The following BIRC6 variants were observed in gnomAD, a reference collection of about 807,000 sequenced individuals.
The protein encoded by BIRC6 is baculoviral IAP repeat containing 6.
In BIRC6, 98 loss-of-function variants were observed where a neutral mutation model predicts 503.3. That is an observed-to-expected ratio of 0.19 (90% CI 0.17 to 0.23). The LOEUF (loss-of-function observed/expected upper bound fraction) is 0.23, where lower values mean the gene tolerates loss of function less well. Ranked by LOEUF, BIRC6 falls within the 10% of genes least tolerant of loss-of-function variation. The pLI is 1.00. For missense variants in BIRC6, 5,360 were observed against 5,806.0 expected (o/e 0.92, Z 2.50); for synonymous variants, 2,240 against 2,078.7 (o/e 1.08, Z -2.11).
chr2:32,366,478 A>G (rs1334163781), intron 1 of BIRC6, among the ~76,000 whole-genome samples: 1 of 151,992 alleles, frequency 6.6e-6, no homozygotes, highest in Non-Finnish European at 1.5e-5. Context: ...TAAACTGAAA[A>G]TCTCTAGTTG....
At chr2:32,417,931 C>T (rs2042556836) in intron 10 of BIRC6, among the ~76,000 whole-genome samples, 1 of 152,156 alleles carries the variant, frequency 6.6e-6, no homozygotes, top group African/African-American at 2.4e-5. Flanking sequence ...AGGTGCGCGT[C>T]ACCACACTTG....
At chr2:32,552,832 C>G (rs1242950271) in intron 65 of BIRC6, among the ~76,000 whole-genome samples, 2 of 150,744 alleles carry the variant, frequency 1.3e-5, no homozygotes, top group Non-Finnish European at 3.0e-5. Context: ...AAAATTATTA[C>G]TATTCTAACC....
chr2:32,553,384 CTTA>C (rs1327752707), intron 65 of BIRC6, among the ~76,000 whole-genome samples: 8 of 151,430 alleles, frequency 5.3e-5, no homozygotes, highest in South Asian at 2.1e-4. Flanking sequence ...TGAATGGAGA[CTTA>C]TTTTTTTATT....
chr2:32,612,099 C>T (rs964716950), intron 73 of BIRC6, among the ~76,000 whole-genome samples: 4 of 152,160 alleles, frequency 2.6e-5, no homozygotes, highest in Admixed American at 1.3e-4. Flanking sequence ...CTAGGCTAGG[C>T]TCAAGTGATC....
At chr2:32,450,825 C>T (rs1395721834) in intron 22 of BIRC6, among the ~76,000 whole-genome samples, 1 of 152,158 alleles carries the variant, frequency 6.6e-6, no homozygotes, top group East Asian at 1.9e-4. Context: ...TTCTACATCA[C>T]TTATAATACC....
Position 32,467,651 on chromosome 2 carries a change from G to T in BIRC6, c.5483G>T (p.Gly1828Val). The change falls in exon 27 of 74, where the codon GGA becomes GTA. Residue 1828 changes from glycine to valine, a missense_variant. Gly to Val is a moderately radical substitution (Grantham distance 109). Transcript: ENST00000421745. ...TGGACATTAGGAGAAGAGGTGGATGGAAGGCGGTTGGTAGTGGCAACTGAT... is the reference window on the plus strand; with the variant it reads ...TGGACATTAGGAGAAGAGGTGGATGTAAGGCGGTTGGTAGTGGCAACTGAT... The part of the protein sequence containing the change: ...DIWTLGEEVD[G>V]RRLVVATDIS... 6.2e-7 allele frequency: 1 copy of T among 1,613,894 alleles called. No individual in the cohort carries two copies. The highest frequency in any genetic ancestry group is 8.5e-7 in the Non-Finnish European group (1 of 1,179,870).
At chr2:32,520,470 A>C (rs1048021311) in intron 57 of BIRC6, among the ~76,000 whole-genome samples, 2 of 152,226 alleles carry the variant, frequency 1.3e-5, no homozygotes, top group Admixed American at 1.3e-4. Context: ...AGTATTTTCT[A>C]TCAGTTTCCT....
chr2:32,497,504 T>C (rs990894873), intron 45 of BIRC6, among the ~76,000 whole-genome samples: 9 of 152,228 alleles, frequency 5.9e-5, no homozygotes, highest in African/African-American at 2.2e-4. Flanking sequence ...GCTAGAGTTT[T>C]CTTTGCCCCA....
chr2:32,461,001 T>TG (rs1234933200), intron 23 of BIRC6, among the ~76,000 whole-genome samples: 527 of 21,518 alleles, frequency 0.024, 1 homozygote, highest in Non-Finnish European at 0.038. Context: ...TGCTCTGCTC[T>TG]CTTCTCTTCT....
At chr2:32,441,608 T>G (rs1009199588) in intron 17 of BIRC6, 146 bp downstream of exon 17, 11 of 724,698 alleles carry the variant, frequency 1.5e-5, no homozygotes, top group Non-Finnish European at 2.0e-5. Context: ...TTGATGAGAA[T>G]ATGAGTTGTC....
chr2:32,562,859 C>T (rs2059289346), intron 65 of BIRC6, among the ~76,000 whole-genome samples: 1 of 152,084 alleles, frequency 6.6e-6, no homozygotes, highest in Non-Finnish European at 1.5e-5. Flanking sequence ...ATCTTGATTG[C>T]TTCCTTTTTT....
At chr2:32,550,835 A>C (rs2058373640) in intron 65 of BIRC6, among the ~76,000 whole-genome samples, 1 of 152,124 alleles carries the variant, frequency 6.6e-6, no homozygotes, top group South Asian at 2.1e-4. Context: ...TGTATGTTAA[A>C]CTGATTTTTG....
Position 32,515,257 on chromosome 2 carries a change from C to A in BIRC6, c.10836C>A (p.Thr3612=). 1 of 1,613,796 alleles carries A rather than the reference C, an allele frequency of 6.2e-7. No homozygotes were observed. Residue 3612 remains threonine (T), a synonymous_variant, in exon 55 of 74, where the codon ACC becomes ACA. Transcript: ENST00000421745. The part of the protein sequence containing the change: ...PLALTESHLA[T]LASSSQSPEA... The stretch of plus-strand genomic sequence containing the variant: ...CATTAACTGAATCACATTTGGCTAC[C>A]CTTGCTTCCTCTTCTCAATCTCCTG...
chr2:32,488,256 T>C (rs1385351872), intron 41 of BIRC6, among the ~76,000 whole-genome samples: 1 of 151,904 alleles, frequency 6.6e-6, no homozygotes, highest in Non-Finnish European at 1.5e-5. Flanking sequence ...GGCGGGAGGA[T>C]GGCTTGAGCC....
chr2:32,367,185 G>A (rs1573666381), intron 1 of BIRC6, among the ~76,000 whole-genome samples: 1 of 10 alleles, frequency 0.1, no homozygotes, highest in Admixed American at 0.5. Flanking sequence ...TCTGTGGCCT[G>A]GGCATGGTGG....
At position 32,617,972 on chromosome 2, in the gene BIRC6, A is replaced by C; in HGVS notation, c.*68A>C. The C allele has an allele frequency of 1.4e-6, 2 of 1,428,234 alleles. No individual in the cohort carries two copies. Among genetic ancestry groups the C allele is most frequent in the Non-Finnish European group, 1.9e-6 (2 of 1,049,640 alleles). 88.5% of individuals were successfully genotyped at this position (1,428,234 alleles called of 1,614,324 possible). A position where few individuals can be genotyped will look rare whatever the true frequency, so the allele number is the denominator to read the frequency against. On this transcript the variant is annotated 3_prime_UTR_variant, in exon 74 of 74. Coordinates refer to ENST00000421745, the MANE Select transcript of BIRC6 (RefSeq NM_016252.4). ...ACAAGCCAAATATGTCAATATTTGT[A>C]TGTAAGAAACTAATTATGTAATAGG...
chr2:32,398,100 A>C (rs943910500), intron 6 of BIRC6, among the ~76,000 whole-genome samples: 2 of 152,172 alleles, frequency 1.3e-5, no homozygotes, highest in Non-Finnish European at 2.9e-5. Context: ...AATGGGACTC[A>C]TATTTTGACT....
At chr2:32,531,577 A>G in intron 61 of BIRC6, 26 bp downstream of exon 61, 1 of 1,551,556 alleles carries the variant, frequency 6.4e-7, no homozygotes, top group Non-Finnish European at 8.8e-7. Context: ...CTAATCGAGT[A>G]TATCATTCCA....
At position 32,459,202 on chromosome 2, in the gene BIRC6, C is replaced by G. The variant is rs528557668; in HGVS notation, c.4754-3992C>G. Among the ~76,000 whole-genome samples, 9 of 152,238 alleles carry G rather than the reference C, an allele frequency of 5.9e-5. 1 individual carries two copies. In the South Asian group the frequency reaches 1.7e-3, roughly 28 times the overall value. ...CATCCATTAGCGTTTTCTCCCATTC[C>G]CCCCAAACCCTTCCAGTCACTTGGC... On this transcript the variant is annotated intron_variant, in intron 23 of 73. Coordinates refer to ENST00000421745, the MANE Select transcript of BIRC6 (RefSeq NM_016252.4).
Sources: allele counts gnomAD v4.1 joint callset (sites outside exome capture counted in the v4.1 genomes callset), GRCh38; gene constraint gnomAD v4.1.1; transcripts MANE v1.5; gene names NCBI Gene and HGNC (gene_info 2026-07-23, HGNC 2026-07-21).